VPS8: variants seen among roughly 807,000 people sequenced by gnomAD.
VPS8 encodes the protein VPS8 subunit of CORVET complex.
In VPS8, 129 loss-of-function variants were observed where a neutral mutation model predicts 216.4. The ratio of observed to expected loss-of-function variants is 0.60; its 90% CI spans 0.52 to 0.69. The LOEUF (loss-of-function observed/expected upper bound fraction) is 0.69, where lower values mean the gene tolerates loss of function less well. Among genes scored for constraint, VPS8 ranks in the 30% least tolerant of loss-of-function variants. VPS8 has a pLI of 0.00. For synonymous variants in VPS8, 571 were observed against 565.4 expected (o/e 1.01, Z -0.14); for missense variants, 1,531 against 1,683.5 (o/e 0.91, Z 1.59).
intron 45 of VPS8, among the ~76,000 whole-genome samples, chr3:185,009,434 A>T (rs1053459860): frequency 6.6e-6 from 1 of 152,180 alleles, no homozygotes; most frequent in African/African-American, 2.4e-5. Context: ...ATTGATAAGG[A>T]TGTGAGGAGA....
intron 45 of VPS8, among the ~76,000 whole-genome samples, chr3:185,019,814 G>A (rs1470378260): frequency 6.6e-6 from 1 of 152,172 alleles, no homozygotes; most frequent in Non-Finnish European, 1.5e-5. Flanking sequence ...AACAATTCCT[G>A]GTATGGACTA....
At chr3:184,934,343 A>G (rs899559281) in intron 34 of VPS8, among the ~76,000 whole-genome samples, 1 of 151,580 alleles carries the variant, frequency 6.6e-6, no homozygotes. Context: ...GCTTATTTTT[A>G]TATTTTTAGT....
intron 1 of VPS8, among the ~76,000 whole-genome samples, chr3:184,819,956 C>G (rs1216408215): frequency 6.6e-6 from 1 of 152,086 alleles, no homozygotes; most frequent in African/African-American, 2.4e-5. Context: ...GTAAGTGGAT[C>G]ATTATAAAGG....
chr3:184,857,121 C>G (rs1353439721), intron 14 of VPS8, among the ~76,000 whole-genome samples: 1 of 152,194 alleles, frequency 6.6e-6, no homozygotes, highest in East Asian at 1.9e-4. Flanking sequence ...ATATTTCCAG[C>G]CACTAGGACA....
intron 21 of VPS8, among the ~76,000 whole-genome samples, chr3:184,874,950 A>G (rs1285595913): frequency 6.6e-6 from 1 of 152,192 alleles, no homozygotes; most frequent in Non-Finnish European, 1.5e-5. Context: ...ATTTCAGTTT[A>G]AAATGACCTA....
intron 36 of VPS8, among the ~76,000 whole-genome samples, chr3:184,947,236 C>T (rs775911893): frequency 3.4e-4 from 51 of 152,190 alleles, no homozygotes; most frequent in Non-Finnish European, 6.3e-4. Context: ...AGTTCCCCCA[C>T]ATTTTCATTG....
chr3:184,858,018 A>C (rs778927862), intron 14 of VPS8, among the ~76,000 whole-genome samples: 3 of 152,228 alleles, frequency 2.0e-5, no homozygotes, highest in Non-Finnish European at 4.4e-5. Context: ...TGAGGTCACC[A>C]CTGTAAGTGA....
chr3:185,032,958 C>T (rs754484463), intron 46 of VPS8, among the ~76,000 whole-genome samples: 59 of 152,104 alleles, frequency 3.9e-4, no homozygotes, highest in Non-Finnish European at 8.2e-4. Context: ...TGAGCCACCC[C>T]GCCCGGCCCC....
chr3:185,010,326 C>A (rs1227807782), intron 45 of VPS8, among the ~76,000 whole-genome samples: 1 of 152,054 alleles, frequency 6.6e-6, no homozygotes, highest in Non-Finnish European at 1.5e-5. Context: ...AAGATAGAAT[C>A]CACAATGTCT....
intron 13 of VPS8, among the ~76,000 whole-genome samples, chr3:184,854,545 C>T (rs1227900590): frequency 6.6e-6 from 1 of 152,160 alleles, no homozygotes; most frequent in Non-Finnish European, 1.5e-5. Context: ...CATTCGTTGC[C>T]CTTCTGAGTG....
intron 15 of VPS8, among the ~76,000 whole-genome samples, chr3:184,862,256 TAAG>T (rs916286031): frequency 1.3e-4 from 20 of 152,104 alleles, no homozygotes; most frequent in African/African-American, 4.8e-4. Flanking sequence ...AATTTGAAAA[TAAG>T]AAATCTGATT....
intron 7 of VPS8, among the ~76,000 whole-genome samples, chr3:184,840,896 C>T (rs1018082521): frequency 6.6e-6 from 1 of 152,026 alleles, no homozygotes; most frequent in African/African-American, 2.4e-5. Context: ...AGCAGAACCA[C>T]GATTTGATTT....
intron 22 of VPS8, chr3:184,893,265 C>T (rs1017166716): frequency 1.6e-6 from 2 of 1,287,972 alleles, no homozygotes; most frequent in African/African-American, 3.0e-5. Flanking sequence ...CCATCCTAGT[C>T]CTTTCAGGAG....
intron 38 of VPS8, 54 bp downstream of exon 38, chr3:184,964,611 T>G (rs1747083900): frequency 1.1e-5 from 12 of 1,142,020 alleles, no homozygotes; most frequent in South Asian, 3.8e-5. Flanking sequence ...CTCTATTCAT[T>G]CATGAATCCA....
chr3:184,956,845 A>T (rs1745690986), intron 36 of VPS8, among the ~76,000 whole-genome samples: 1 of 152,174 alleles, frequency 6.6e-6, no homozygotes, highest in Non-Finnish European at 1.5e-5. Context: ...ATTAGTCCTC[A>T]CTATGTGCAA....
chr3:184,945,540 C>T (rs1226294516), intron 36 of VPS8, among the ~76,000 whole-genome samples: 6 of 152,236 alleles, frequency 3.9e-5, no homozygotes, highest in South Asian at 2.1e-4. Context: ...CACCACACCG[C>T]GCAGAAACAG....
chr3:184,837,761 T>C (rs1298753859), intron 5 of VPS8, among the ~76,000 whole-genome samples: 2 of 152,222 alleles, frequency 1.3e-5, no homozygotes, highest in South Asian at 2.1e-4. Context: ...AAAGAAGATG[T>C]GTAAGTGATA....
At chr3:184,819,547 A>G (rs191157230) in intron 1 of VPS8, among the ~76,000 whole-genome samples, 166 of 152,356 alleles carry the variant, frequency 1.1e-3, no homozygotes, top group Non-Finnish European at 2.1e-3. Flanking sequence ...ATTAAGCATC[A>G]TATAGTAAGC....
In VPS8 at chr3:184,875,633, C is replaced by T. The variant is rs914957367; in HGVS notation, c.1734+4828C>T. ...ACAAATTCTTTTGTTTGCCTCACGCCGTCTCTAATATCCTATGCTTTCTTG... is the reference window on the plus strand; with the variant it reads ...ACAAATTCTTTTGTTTGCCTCACGCTGTCTCTAATATCCTATGCTTTCTTG... On this transcript the variant is annotated intron_variant, in intron 21 of 47. Coordinates refer to ENST00000625842, the MANE Select transcript of VPS8 (RefSeq NM_001009921.3). Among the ~76,000 whole-genome samples, 5 of 151,942 alleles carry T rather than the reference C, an allele frequency of 3.3e-5. No individual in the cohort carries two copies. The South Asian group carries it at 6.2e-4, about 19-fold the overall frequency.
Sources: gnomAD v4.1 joint callset for allele counts (sites outside exome capture counted in the v4.1 genomes callset) on GRCh38, gnomAD v4.1.1 for gene constraint, MANE v1.5 for transcripts, NCBI Gene and HGNC (gene_info 2026-07-23, HGNC 2026-07-21) for gene names.